The following CAMKMT variants were observed in gnomAD, a reference collection of about 807,000 sequenced individuals.
The protein encoded by CAMKMT is CaM KMT.
A neutral mutation model predicts 48.0 loss-of-function variants in CAMKMT; 53 were observed. The ratio of observed to expected loss-of-function variants is 1.10; its 90% CI spans 0.89 to 1.39. The LOEUF is 1.39. CAMKMT is among the 40% of genes most tolerant of loss of function. CAMKMT has a pLI of 0.00. For synonymous variants in CAMKMT, 165 were observed against 152.3 expected (o/e 1.08, Z -0.61); for missense variants, 428 against 402.7 (o/e 1.06, Z -0.54).
intron 3 of CAMKMT, among the ~76,000 whole-genome samples, chr2:44,700,825 C>G (rs1212343393): frequency 6.6e-6 from 1 of 152,166 alleles, no homozygotes; most frequent in African/African-American, 2.4e-5. Flanking sequence ...CACCAATGGA[C>G]TTGCTCGGTG....
At chr2:44,456,513 G>C in intron 3 of CAMKMT, 1 of 1,542,072 alleles carries the variant, frequency 6.5e-7, no homozygotes, top group Non-Finnish European at 8.7e-7. Flanking sequence ...GGAATGAAAA[G>C]CTTTAACTAC....
At chr2:44,728,343 G>T (rs115585910) in intron 7 of CAMKMT, among the ~76,000 whole-genome samples, 2,526 of 152,260 alleles carry the variant, frequency 0.017, 58 homozygotes, top group African/African-American at 0.057. Flanking sequence ...GAGGATTTCT[G>T]TGTCTGTGGT....
chr2:44,545,903 C>G (rs1667369299), intron 3 of CAMKMT, among the ~76,000 whole-genome samples: 1 of 151,858 alleles, frequency 6.6e-6, no homozygotes, highest in South Asian at 2.1e-4. Flanking sequence ...TAAAACAAGT[C>G]TACAGTGATC....
At chr2:44,454,690 G>A (rs949795586) in intron 3 of CAMKMT, among the ~76,000 whole-genome samples, 5 of 151,842 alleles carry the variant, frequency 3.3e-5, no homozygotes, top group East Asian at 1.9e-4. Flanking sequence ...TCTCTTGGAC[G>A]GCATAATGGC....
At chr2:44,626,460 G>T (rs1475920692) in intron 3 of CAMKMT, among the ~76,000 whole-genome samples, 1 of 152,074 alleles carries the variant, frequency 6.6e-6, no homozygotes, top group Non-Finnish European at 1.5e-5. Context: ...GTATAACAGT[G>T]ATTTAGTCCA....
intron 3 of CAMKMT, among the ~76,000 whole-genome samples, chr2:44,429,781 C>G (rs1375441128): frequency 8.2e-6 from 1 of 121,426 alleles, no homozygotes; most frequent in East Asian, 2.5e-4. Context: ...GCAGTCCGGC[C>G]TGGGCGACAG....
intron 3 of CAMKMT, among the ~76,000 whole-genome samples, chr2:44,582,798 G>A (rs1669635787): frequency 6.6e-6 from 1 of 152,190 alleles, no homozygotes; most frequent in South Asian, 2.1e-4. Context: ...GTGAATACCA[G>A]AAAACACAGC....
At chr2:44,437,675 C>G (rs186593369) in intron 3 of CAMKMT, among the ~76,000 whole-genome samples, 4 of 151,982 alleles carry the variant, frequency 2.6e-5, no homozygotes, top group African/African-American at 9.6e-5. Flanking sequence ...TGGTGAAACC[C>G]CCGTCTCTAC....
chr2:44,388,438 T>C (rs1464665674), intron 2 of CAMKMT, among the ~76,000 whole-genome samples: 1 of 152,212 alleles, frequency 6.6e-6, no homozygotes. Context: ...TTGCTTGCAT[T>C]GGGCTTTGCC....
At chr2:44,635,587 C>T (rs954140338) in intron 3 of CAMKMT, among the ~76,000 whole-genome samples, 1 of 152,162 alleles carries the variant, frequency 6.6e-6, no homozygotes, top group African/African-American at 2.4e-5. Context: ...AAATGGGAAG[C>T]ATTCAAGCCT....
intron 9 of CAMKMT, among the ~76,000 whole-genome samples, chr2:44,757,566 C>CTTTT (rs1274573947): frequency 4.5e-5 from 6 of 134,388 alleles, no homozygotes; most frequent in African/African-American, 1.4e-4. Flanking sequence ...ACTATGGGGG[C>CTTTT]TTTTTTTTTT....
chr2:44,561,616 A>G (rs1281944828), intron 3 of CAMKMT, among the ~76,000 whole-genome samples: 1 of 152,178 alleles, frequency 6.6e-6, no homozygotes, highest in Non-Finnish European at 1.5e-5. Flanking sequence ...TTTTTTGTCA[A>G]ACATGTTCTG....
chr2:44,543,932 A>G (rs1299804778), intron 3 of CAMKMT, among the ~76,000 whole-genome samples: 1 of 152,188 alleles, frequency 6.6e-6, no homozygotes, highest in African/African-American at 2.4e-5. Context: ...CATTTATTTT[A>G]GTTTCTGTTC....
intron 3 of CAMKMT, among the ~76,000 whole-genome samples, chr2:44,614,878 C>G (rs935383943): frequency 6.6e-6 from 1 of 150,832 alleles, no homozygotes; most frequent in African/African-American, 2.4e-5. Flanking sequence ...GTCCCGTGCA[C>G]CACCCAGTCT....
rs562215015 is a variant in CAMKMT at position 44,692,739 on chromosome 2, T to A, written c.377-11544T>A. Among the ~76,000 whole-genome samples the A allele has an allele frequency of 4.6e-5, 7 of 152,316 alleles. No homozygotes were observed. The East Asian group carries it at 1.3e-3, about 29-fold the overall frequency. ...GGCTTTCTGCTGTAGCTTTTTATAG[T>A]TGAAGACCCCCCAGACATAATCTAA... On this transcript the variant is annotated intron_variant, in intron 3 of 10. Coordinates refer to ENST00000378494, the MANE Select transcript of CAMKMT (RefSeq NM_024766.5).
intron 3 of CAMKMT, chr2:44,456,617 C>G: frequency 6.5e-7 from 1 of 1,547,856 alleles, no homozygotes; most frequent in Non-Finnish European, 8.7e-7. Context: ...AGTAACTCTT[C>G]CTTTTTTGTT....
chr2:44,646,439 A>G (rs1034211474), intron 3 of CAMKMT, among the ~76,000 whole-genome samples: 1 of 152,152 alleles, frequency 6.6e-6, no homozygotes, highest in African/African-American at 2.4e-5. Flanking sequence ...AGGGAAAGAG[A>G]AAGTTCAACA....
chr2:44,755,737 C>T (rs947125636), intron 9 of CAMKMT, among the ~76,000 whole-genome samples: 3 of 152,198 alleles, frequency 2.0e-5, no homozygotes, highest in African/African-American at 7.2e-5. Context: ...CCTGAACACA[C>T]TCCCTCCATC....
chr2:44,758,899 C>G (rs770358018), intron 9 of CAMKMT, among the ~76,000 whole-genome samples: 4 of 152,160 alleles, frequency 2.6e-5, no homozygotes, highest in African/African-American at 9.7e-5. Context: ...GGGAGGGGAG[C>G]CAAGCCAACC....
Sources: gnomAD v4.1 joint callset for allele counts (sites outside exome capture counted in the v4.1 genomes callset) on GRCh38, gnomAD v4.1.1 for gene constraint, MANE v1.5 for transcripts, NCBI Gene and HGNC (gene_info 2026-07-23, HGNC 2026-07-21) for gene names.